PRR16: variants seen among roughly 807,000 people sequenced by gnomAD.
The protein encoded by PRR16 is protein Largen.
PRR16 carries 6 observed loss-of-function variants against 18.2 expected under a neutral mutation model. The observed-to-expected ratio is 0.33, with a 90% confidence interval of 0.18 to 0.65. PRR16 has a LOEUF of 0.65. Among genes scored for constraint, PRR16 ranks in the 30% least tolerant of loss-of-function variants. The pLI is 0.74. For synonymous variants in PRR16, 151 were observed against 147.8 expected (o/e 1.02, Z -0.16); for missense variants, 412 against 376.6 (o/e 1.09, Z -0.78).
At chr5:120,472,195 C>T (rs551316026) in intron 1 of PRR16, among the ~76,000 whole-genome samples, 1 of 152,186 alleles carries the variant, frequency 6.6e-6, no homozygotes, top group African/African-American at 2.4e-5. Flanking sequence ...AATAGATTTT[C>T]AACTACAGAT....
chr5:120,657,936 A>G (rs1756040315), intron 1 of PRR16: 1 of 151,828 alleles, frequency 6.6e-6, no homozygotes, highest in African/African-American at 2.4e-5. Flanking sequence ...GCATTTTCTA[A>G]TGCTATCCCA....
the PRR16 span, among the ~76,000 whole-genome samples, chr5:120,738,540 C>G: frequency 6.6e-6 from 1 of 152,086 alleles, no homozygotes; most frequent in South Asian, 2.1e-4. Flanking sequence ...ATCATTATGG[C>G]TGAAAGTGAG....
the PRR16 span, among the ~76,000 whole-genome samples, chr5:120,743,339 T>G: frequency 6.6e-6 from 1 of 152,158 alleles, no homozygotes; most frequent in Admixed American, 6.5e-5. Flanking sequence ...GTTTGATTGT[T>G]TTTTTCAAGA....
chr5:120,784,864 T>C, the PRR16 span, among the ~76,000 whole-genome samples: 1 of 152,288 alleles, frequency 6.6e-6, no homozygotes. Context: ...ATGGGCTCAT[T>C]ATGACCAGGA....
intron 1 of PRR16, among the ~76,000 whole-genome samples, chr5:120,671,393 A>G (rs893690717): frequency 2.6e-5 from 4 of 152,088 alleles, no homozygotes; most frequent in African/African-American, 4.8e-5. Flanking sequence ...ACATCCTACC[A>G]TCTTACCTTT....
intron 1 of PRR16, among the ~76,000 whole-genome samples, chr5:120,571,664 G>A (rs1417225606): frequency 6.6e-6 from 1 of 152,132 alleles, no homozygotes; most frequent in Admixed American, 6.6e-5. Context: ...TCTAAGAGAG[G>A]CATGCAGGTA....
chr5:120,705,023 C>T, the PRR16 span, among the ~76,000 whole-genome samples: 1 of 151,582 alleles, frequency 6.6e-6, no homozygotes, highest in Non-Finnish European at 1.5e-5. Context: ...ATATGACTTC[C>T]ATGCATTACT....
the PRR16 span, among the ~76,000 whole-genome samples, chr5:120,718,283 A>G: frequency 3.3e-5 from 5 of 152,296 alleles, no homozygotes; most frequent in East Asian, 5.8e-4. Context: ...GACTTCACGT[A>G]TCAGAAAACA....
rs142662038 is a variant in PRR16, at chr5:120,482,537, G to A, written c.159+17892G>A. On this transcript the variant is annotated intron_variant, in intron 1 of 1. Coordinates refer to ENST00000407149, the MANE Select transcript of PRR16 (RefSeq NM_001300783.2). ...TCTTTATCCATTCCACCATTGATGGGCACCTAGATTGATTCTATGTCTTTG... is the reference window on the plus strand; with the variant it reads ...TCTTTATCCATTCCACCATTGATGGACACCTAGATTGATTCTATGTCTTTG... 3.8e-3 allele frequency among the ~76,000 whole-genome samples: 585 copies of A among 152,158 alleles called. 5 individuals are homozygous for A. Among genetic ancestry groups the A allele is most frequent in the African/African-American group, 0.013 (557 of 41,502 alleles).
At chr5:120,576,895 A>G (rs1437958352) in intron 1 of PRR16, among the ~76,000 whole-genome samples, 1 of 152,060 alleles carries the variant, frequency 6.6e-6, no homozygotes, top group Admixed American at 6.6e-5. Context: ...CTAATTTCCT[A>G]TAATAATTCT....
the PRR16 span, among the ~76,000 whole-genome samples, chr5:120,768,495 CTAAT>C: frequency 1.3e-5 from 2 of 151,482 alleles, no homozygotes; most frequent in African/African-American, 4.8e-5. Flanking sequence ...GACTTTGTCT[CTAAT>C]TGATTATAGA....
intron 1 of PRR16, among the ~76,000 whole-genome samples, chr5:120,585,900 G>A (rs1753424695): frequency 6.6e-6 from 1 of 152,018 alleles, no homozygotes; most frequent in Non-Finnish European, 1.5e-5. Context: ...TTTGGGCCGG[G>A]TGCGATGGCT....
At chr5:120,486,531 A>G (rs1220910559) in intron 1 of PRR16, among the ~76,000 whole-genome samples, 1 of 151,996 alleles carries the variant, frequency 6.6e-6, no homozygotes, top group Admixed American at 6.6e-5. Flanking sequence ...AGTTCATTGT[A>G]GATGCTGGAT....
intron 1 of PRR16, among the ~76,000 whole-genome samples, chr5:120,679,571 C>T (rs1175050287): frequency 1.3e-5 from 2 of 151,976 alleles, no homozygotes; most frequent in East Asian, 1.9e-4. Context: ...AACACAGCAC[C>T]CTTCAGTATG....
chr5:120,552,062 C>T (rs1329561031), intron 1 of PRR16, among the ~76,000 whole-genome samples: 14 of 152,034 alleles, frequency 9.2e-5, no homozygotes, highest in African/African-American at 3.1e-4. Context: ...TCCTCTATGA[C>T]ATTTGAGGAC....
the PRR16 span, among the ~76,000 whole-genome samples, chr5:120,776,539 A>G: frequency 2.0e-5 from 3 of 152,134 alleles, no homozygotes; most frequent in African/African-American, 2.4e-5. Flanking sequence ...AGTTTTCTAA[A>G]TGACTGTTAT....
At chr5:120,674,415 A>G (rs10042091) in intron 1 of PRR16, among the ~76,000 whole-genome samples, 8,850 of 152,250 alleles carry the variant, frequency 0.058, 308 homozygotes, top group South Asian at 0.085. Context: ...TAATAGCTAA[A>G]AATATTTTAA....
intron 1 of PRR16, among the ~76,000 whole-genome samples, chr5:120,542,519 C>T (rs1751947729): frequency 6.6e-6 from 1 of 151,928 alleles, no homozygotes; most frequent in African/African-American, 2.4e-5. Context: ...TGGAATTTAC[C>T]AGTTTTTCCA....
At chr5:120,739,254 A>G in the PRR16 span, among the ~76,000 whole-genome samples, 4 of 152,156 alleles carry the variant, frequency 2.6e-5, no homozygotes, top group Admixed American at 6.5e-5. Context: ...ATTATGAGAT[A>G]TTTAGATACT....
Sources: gnomAD v4.1 joint callset for allele counts (sites outside exome capture counted in the v4.1 genomes callset) on GRCh38, gnomAD v4.1.1 for gene constraint, MANE v1.5 for transcripts, NCBI Gene and HGNC (gene_info 2026-07-23, HGNC 2026-07-21) for gene names.